FBXW4: variants seen among roughly 807,000 people sequenced by gnomAD.
The protein encoded by FBXW4 is F-box and WD repeat domain containing 4, also known as F-box/WD repeat-containing protein 4.
FBXW4 carries 40 observed loss-of-function variants against 61.8 expected under a neutral mutation model. The observed-to-expected ratio is 0.65, with a 90% CI of 0.50 to 0.84. The LOEUF is 0.84. FBXW4 is among the 40% of genes least tolerant of loss of function. The pLI is 0.00. For missense variants in FBXW4, 672 were observed against 753.8 expected (o/e 0.89, Z 1.27); for synonymous variants, 311 against 313.8 (o/e 0.99, Z 0.10).
In FBXW4 at chr10:101,686,174, G is replaced by A. The variant is rs777599588; in HGVS notation, c.725+8207C>T. ...CATTGGTTAGGTTCTGTATTTGCAC[G>A]GCACTTGACCAGTATGTGTGTTCTG... On this transcript the variant is annotated intron_variant, in intron 1 of 8. Coordinates refer to ENST00000331272, the MANE Select transcript of FBXW4 (RefSeq NM_022039.4). 2.6e-4 allele frequency among the ~76,000 whole-genome samples: 39 copies of A among 152,084 alleles called. 1 individual carries two copies. Among genetic ancestry groups the A allele is most frequent in the Non-Finnish European group, 1.9e-4 (13 of 68,006 alleles).
intron 1 of FBXW4, among the ~76,000 whole-genome samples, chr10:101,684,467 A>AC (rs2064512924): frequency 6.6e-6 from 1 of 151,964 alleles, no homozygotes; most frequent in Admixed American, 6.5e-5. Flanking sequence ...ATGGGGTTTC[A>AC]CCATGTTGGC....
chr10:101,617,103 C>T (rs1237057835), intron 6 of FBXW4, among the ~76,000 whole-genome samples: 1 of 152,186 alleles, frequency 6.6e-6, no homozygotes, highest in Non-Finnish European at 1.5e-5. Context: ...GCTCACATAT[C>T]CTGAGTCCAT....
intron 5 of FBXW4, chr10:101,660,392 A>C (rs1260459961): frequency 2.6e-6 from 1 of 385,508 alleles, no homozygotes; most frequent in Non-Finnish European, 3.5e-6. Context: ...AACAGACTGA[A>C]AAACAAACCC....
intron 1 of FBXW4, among the ~76,000 whole-genome samples, chr10:101,693,743 CAA>C (rs997000703): frequency 2.0e-5 from 3 of 152,096 alleles, no homozygotes; most frequent in Non-Finnish European, 2.9e-5. Flanking sequence ...CAGACCCTAC[CAA>C]AAACAGGCCA....
chr10:101,663,275 A>G (rs1228906364), intron 5 of FBXW4, among the ~76,000 whole-genome samples: 3 of 152,136 alleles, frequency 2.0e-5, no homozygotes, highest in Non-Finnish European at 4.4e-5. Flanking sequence ...TGTGCCTATC[A>G]TCTCCCCACC....
chr10:101,672,952 C>T lies in FBXW4; in HGVS notation c.1103G>A (p.Gly368Asp). The T allele has an allele frequency of 4.3e-6, 7 of 1,614,042 alleles. No individual in the cohort carries two copies. In the South Asian group the frequency reaches 7.7e-5, roughly 18 times the overall value. The change falls in exon 4 of 9, where the codon GGC becomes GAC. Residue 368 changes from glycine (G) to aspartate (D), a missense_variant. Transcript: ENST00000331272. ...QEVNCVDCKG[G>D]IIVSGSRDRT... ...GTCCCTGGAGCCACTCACAATGATGCCCCCTTTGCAATCCACACAGTTCAC... is the reference window on the plus strand; with the variant it reads ...GTCCCTGGAGCCACTCACAATGATGTCCCCTTTGCAATCCACACAGTTCAC...
At chr10:101,634,087 TGGG>T (rs1485604289) in intron 5 of FBXW4, among the ~76,000 whole-genome samples, 1 of 151,926 alleles carries the variant, frequency 6.6e-6, no homozygotes, top group Non-Finnish European at 1.5e-5. Flanking sequence ...CACTCCAGCC[TGGG>T]TAACAGAGCA....
chr10:101,663,934 T>C (rs945999556), intron 5 of FBXW4, among the ~76,000 whole-genome samples: 2 of 152,104 alleles, frequency 1.3e-5, no homozygotes, highest in African/African-American at 4.8e-5. Context: ...TGTTGAACAA[T>C]AAGATGGGTA....
rs113934090 is a variant in FBXW4 at position 101,610,980 on chromosome 10, A to C, written c.*311T>G. 1 of 199,498 alleles carries C rather than the reference A, an allele frequency of 5.0e-6. No individual in the cohort carries two copies. Among genetic ancestry groups the C allele is most frequent in the Non-Finnish European group, 1.0e-5 (1 of 98,124 alleles). The allele number at this position is 199,498 out of a possible 1,614,324, so 12.4% of individuals were successfully genotyped here. A position where few individuals can be genotyped will look rare whatever the true frequency, so the allele number is the denominator to read the frequency against. On this transcript the variant is annotated 3_prime_UTR_variant, in exon 9 of 9. Coordinates refer to ENST00000331272, the MANE Select transcript of FBXW4 (RefSeq NM_022039.4). ...CTCTGTAGGCTGTCATGGCTCTAAT[A>C]AGGGGTATAGGATGGGCCTCTCCAG...
At chr10:101,634,321 C>T (rs1395696229) in intron 5 of FBXW4, among the ~76,000 whole-genome samples, 1 of 149,254 alleles carries the variant, frequency 6.7e-6, no homozygotes, top group Non-Finnish European at 1.5e-5. Context: ...CATCATATTC[C>T]CAGATGTGAA....
chr10:101,640,179 A>T (rs1364502268), intron 5 of FBXW4, among the ~76,000 whole-genome samples: 1 of 152,210 alleles, frequency 6.6e-6, no homozygotes, highest in Non-Finnish European at 1.5e-5. Context: ...TTCAGAAAGG[A>T]GATGAGGTGT....
intron 1 of FBXW4, among the ~76,000 whole-genome samples, chr10:101,683,355 CCTT>C (rs980204938): frequency 6.6e-6 from 1 of 152,262 alleles, no homozygotes; most frequent in African/African-American, 2.4e-5. Context: ...TCCCAGCCCT[CCTT>C]CTCTTGCCTC....
chr10:101,640,683 G>C (rs1196958444), intron 5 of FBXW4, among the ~76,000 whole-genome samples: 1 of 146,954 alleles, frequency 6.8e-6, no homozygotes, highest in African/African-American at 2.5e-5. Context: ...TTTAAGTAGA[G>C]ATTGGGTTTT....
intron 5 of FBXW4, among the ~76,000 whole-genome samples, chr10:101,655,407 A>G (rs1341864043): frequency 6.6e-6 from 1 of 152,122 alleles, no homozygotes; most frequent in Non-Finnish European, 1.5e-5. Flanking sequence ...TTTTTTTCCT[A>G]TTAATTTTTG....
At chr10:101,675,312 C>T (rs189964645) in intron 2 of FBXW4, among the ~76,000 whole-genome samples, 6 of 152,228 alleles carry the variant, frequency 3.9e-5, no homozygotes, top group African/African-American at 1.2e-4. Context: ...GTGTTTAGAG[C>T]CATCTGGTAA....
At chr10:101,666,422 G>GA (rs1022390202) in intron 5 of FBXW4, among the ~76,000 whole-genome samples, 8 of 151,906 alleles carry the variant, frequency 5.3e-5, no homozygotes, top group Non-Finnish European at 1.2e-4. Context: ...TTCTTAGAAA[G>GA]AAAAAAAATT....
At chr10:101,643,471 C>A (rs117980342) in intron 5 of FBXW4, among the ~76,000 whole-genome samples, 569 of 152,332 alleles carry the variant, frequency 3.7e-3, no homozygotes, top group Non-Finnish European at 6.5e-3. Context: ...TACATGCAGC[C>A]GCGTTTGCTC....
In FBXW4 at chr10:101,611,542, C is replaced by T. The variant is rs1319065942; in HGVS notation, c.1584+86G>A. ...GGCTTCTTCCAACCCTTTCTAGGCA[C>T]GTCCTTGGCTACCTCACCCTCTCCC... On this transcript the variant is annotated intron_variant, in intron 8 of 8. Coordinates refer to ENST00000331272, the MANE Select transcript of FBXW4 (RefSeq NM_022039.4). The surrounding 1 kb of genome is among the most constrained non-coding windows in gnomAD (Gnocchi z 4.9). 33 of 1,580,012 alleles carry T rather than the reference C, an allele frequency of 2.1e-5. No homozygotes were observed. Among genetic ancestry groups the T allele is most frequent in the Admixed American group, 6.9e-5 (4 of 58,128 alleles).
chr10:101,645,189 C>G (rs1414947051), intron 5 of FBXW4, among the ~76,000 whole-genome samples: 5 of 152,200 alleles, frequency 3.3e-5, no homozygotes. Context: ...AAAAGGGTGG[C>G]TAGTCTCAAT....
Sources: allele counts gnomAD v4.1 joint callset (sites outside exome capture counted in the v4.1 genomes callset), GRCh38; gene constraint gnomAD v4.1.1; non-coding constraint Gnocchi (gnomAD v3.1); transcripts MANE v1.5; gene names NCBI Gene and HGNC (gene_info 2026-07-23, HGNC 2026-07-21).